The following PBX3 variants were observed in gnomAD, a reference collection of about 807,000 sequenced individuals.
PBX3 encodes PBX homeobox 3, also known as pre-B-cell leukemia transcription factor 3.
PBX3 carries 14 observed loss-of-function variants against 48.5 expected under a neutral mutation model. That is an observed-to-expected ratio of 0.29 (90% CI 0.19 to 0.45). PBX3 has a LOEUF of 0.45. Ranked by LOEUF, PBX3 falls within the 20% of genes least tolerant of loss-of-function variation. The probability of loss-of-function intolerance (pLI) is 1.00; values close to 1 mark genes in which losing one functional copy is unlikely to be tolerated. For synonymous variants in PBX3, 210 were observed against 200.3 expected (o/e 1.05, Z -0.41); for missense variants, 386 against 546.7 (o/e 0.71, Z 2.93).
At chr9:125,784,517 A>G (rs908006877) in intron 2 of PBX3, among the ~76,000 whole-genome samples, 2 of 152,172 alleles carry the variant, frequency 1.3e-5, no homozygotes, top group African/African-American at 4.8e-5. Context: ...CTCATTCCTC[A>G]GAGTTTATTT....
chr9:125,813,639 C>A (rs1838363305), intron 2 of PBX3, among the ~76,000 whole-genome samples: 1 of 152,134 alleles, frequency 6.6e-6, no homozygotes, highest in Non-Finnish European at 1.5e-5. Context: ...GACATGTCAC[C>A]ATTATTCTTC....
chr9:125,938,147 T>C (rs1450051320), intron 5 of PBX3, among the ~76,000 whole-genome samples: 1 of 152,204 alleles, frequency 6.6e-6, no homozygotes, highest in Admixed American at 6.5e-5. Flanking sequence ...TGATCTATTA[T>C]TTACTGCAAC....
intron 5 of PBX3, among the ~76,000 whole-genome samples, chr9:125,955,783 G>A (rs1842293077): frequency 6.6e-6 from 1 of 152,188 alleles, no homozygotes; most frequent in Admixed American, 6.5e-5. Flanking sequence ...TTCAGCATGA[G>A]ATCATCACCA....
intron 2 of PBX3, among the ~76,000 whole-genome samples, chr9:125,865,106 C>A (rs1035829207): frequency 1.1e-4 from 17 of 152,168 alleles, no homozygotes; most frequent in African/African-American, 4.1e-4. Flanking sequence ...TGTGGCCATG[C>A]CACATCAGTA....
intron 2 of PBX3, among the ~76,000 whole-genome samples, chr9:125,783,835 A>G (rs1049962942): frequency 2.8e-4 from 42 of 151,778 alleles, no homozygotes; most frequent in African/African-American, 9.9e-4. Flanking sequence ...CCCTTCTCTA[A>G]TAAAAATACA....
chr9:125,793,485 A>C (rs954882227), intron 2 of PBX3, among the ~76,000 whole-genome samples: 2 of 149,718 alleles, frequency 1.3e-5, no homozygotes, highest in Non-Finnish European at 3.0e-5. Flanking sequence ...GTTGGAGTGC[A>C]GTGGCACGAT....
intron 2 of PBX3, among the ~76,000 whole-genome samples, chr9:125,912,134 T>A (rs1365582339): frequency 6.6e-6 from 1 of 152,190 alleles, no homozygotes; most frequent in Admixed American, 6.5e-5. Context: ...TACAGTGTTC[T>A]TCTGTTAGAA....
intron 2 of PBX3, among the ~76,000 whole-genome samples, chr9:125,888,480 A>C (rs75635430): frequency 0.037 from 5,654 of 152,036 alleles, 370 homozygotes; most frequent in African/African-American, 0.13. Flanking sequence ...AGGAGAGGAG[A>C]GGCGGCATAC....
At chr9:125,837,367 A>G (rs2058064925) in intron 2 of PBX3, among the ~76,000 whole-genome samples, 1 of 150,324 alleles carries the variant, frequency 6.7e-6, no homozygotes, top group African/African-American at 2.4e-5. Flanking sequence ...ATATTACACA[A>G]ATATGTATAC....
At chr9:125,807,013 G>T (rs780971263) in intron 2 of PBX3, among the ~76,000 whole-genome samples, 1 of 152,112 alleles carries the variant, frequency 6.6e-6, no homozygotes, top group African/African-American at 2.4e-5. Flanking sequence ...TAATCAGTGG[G>T]GTAAACACAT....
At chr9:125,944,890 A>C (rs1225658076) in intron 5 of PBX3, among the ~76,000 whole-genome samples, 3 of 152,048 alleles carry the variant, frequency 2.0e-5, no homozygotes, top group Non-Finnish European at 2.9e-5. Flanking sequence ...ATTTTACCTC[A>C]CTGTGCCTCC....
At chr9:125,870,787 A>C (rs1429387218) in intron 2 of PBX3, among the ~76,000 whole-genome samples, 1 of 152,222 alleles carries the variant, frequency 6.6e-6, no homozygotes, top group African/African-American at 2.4e-5. Flanking sequence ...GACAAGAATA[A>C]AATTTTGATT....
At chr9:125,952,304 C>T (rs73668738) in intron 5 of PBX3, among the ~76,000 whole-genome samples, 6,063 of 152,190 alleles carry the variant, frequency 0.04, 429 homozygotes, top group African/African-American at 0.14. Flanking sequence ...AGATCCTCTC[C>T]CTGACGCAGT....
At chr9:125,889,825 CCG>C (rs1840594231) in intron 2 of PBX3, among the ~76,000 whole-genome samples, 3 of 148,288 alleles carry the variant, frequency 2.0e-5, no homozygotes, top group African/African-American at 7.3e-5. Flanking sequence ...TCGCCGTCCG[CCG>C]CTCCGCGGCT....
At position 125,962,199 on chromosome 9, in the gene PBX3, C is replaced by T. The variant is rs1385520191; in HGVS notation, c.1107C>T (p.Ala369=). ...CTTACCAAGGGTCCCAAGTCGGAGC[C>T]AATGTGCAATCACAGGTAGGAGAAA... The part of the protein sequence containing the change: ...GDSYQGSQVG[A]NVQSQVDTLR... The change falls in exon 7 of 9, where the codon GCC becomes GCT. Residue 369 remains alanine (A), a synonymous_variant. Coordinates refer to ENST00000373489, the MANE Select transcript of PBX3 (RefSeq NM_006195.6). 6.2e-7 allele frequency: 1 copy of T among 1,602,218 alleles called. No homozygotes were observed. The highest frequency in any genetic ancestry group is 1.3e-5 in the African/African-American group (1 of 74,624).
intron 2 of PBX3, among the ~76,000 whole-genome samples, chr9:125,841,513 T>G (rs1839289574): frequency 6.6e-6 from 1 of 152,178 alleles, no homozygotes; most frequent in Non-Finnish European, 1.5e-5. Flanking sequence ...CAACAGGACA[T>G]TTATAACCAT....
intron 3 of PBX3, among the ~76,000 whole-genome samples, chr9:125,922,169 A>G (rs1841471504): frequency 6.6e-6 from 1 of 152,228 alleles, no homozygotes. Context: ...TTGCCAGCCA[A>G]AAATATCATT....
chr9:125,748,441 C>A, intron 1 of PBX3, 109 bp from the exon 2 acceptor site: 1 of 1,518,642 alleles, frequency 6.6e-7, no homozygotes, highest in South Asian at 1.2e-5. Context: ...TCAAAAGGGC[C>A]TTCCAGAATG....
intron 3 of PBX3, 133 bp downstream of exon 3, chr9:125,916,060 A>G (rs1841325815): frequency 1.6e-6 from 2 of 1,273,218 alleles, no homozygotes; most frequent in Admixed American, 4.8e-5. Flanking sequence ...TCAGTGCAAA[A>G]ATCCAAGTGA....
Sources: allele counts gnomAD v4.1 joint callset (sites outside exome capture counted in the v4.1 genomes callset), GRCh38; gene constraint gnomAD v4.1.1; transcripts MANE v1.5; gene names NCBI Gene and HGNC (gene_info 2026-07-23, HGNC 2026-07-21).